PRKN: variants seen among roughly 807,000 people sequenced by gnomAD.
PRKN encodes the protein parkin RBR E3 ubiquitin protein ligase.
In PRKN, 56 loss-of-function variants were observed where a neutral mutation model predicts 59.5. The ratio of observed to expected loss-of-function variants is 0.94; its 90% CI spans 0.76 to 1.18. The LOEUF is 1.18. Among genes scored for constraint, PRKN ranks in the 50% most tolerant of loss-of-function variants. The probability of loss-of-function intolerance (pLI) is 0.00; values close to 1 mark genes in which losing one functional copy is unlikely to be tolerated. For missense variants in PRKN, 657 were observed against 596.4 expected (o/e 1.10, Z -1.06); for synonymous variants, 250 against 222.1 (o/e 1.13, Z -1.12).
intron 1 of PRKN, among the ~76,000 whole-genome samples, chr6:162,497,490 A>T (rs1262158119): frequency 6.6e-6 from 1 of 152,234 alleles, no homozygotes; most frequent in Non-Finnish European, 1.5e-5. Context: ...TTGGCTCTAC[A>T]ATTTTTACAA....
chr6:162,486,789 G>C (rs1792558859), intron 1 of PRKN, among the ~76,000 whole-genome samples: 1 of 152,102 alleles, frequency 6.6e-6, no homozygotes, highest in African/African-American at 2.4e-5. Flanking sequence ...GTAGATTTTG[G>C]CCAGGCGTGG....
rs13198162 is a variant in PRKN at position 161,864,781 on chromosome 6, T to A, written c.735-78873A>T. Among the ~76,000 whole-genome samples, 566 of 143,168 alleles carry A rather than the reference T, an allele frequency of 4.0e-3. 4 individuals carry two copies. Among genetic ancestry groups the A allele is most frequent in the Non-Finnish European group, 5.1e-3 (338 of 66,278 alleles). 93.9% of individuals were successfully genotyped at this position (143,168 alleles called of 152,430 possible). A position where few individuals can be genotyped will look rare whatever the true frequency, so the allele number is the denominator to read the frequency against. ...AAGTGATTCTCCTGCCCTAGCCTCC[T>A]GAGTAGCTGGGATTACAGTCGCCCA... On this transcript the variant is annotated intron_variant, in intron 6 of 11. Coordinates refer to ENST00000366898, the MANE Select transcript of PRKN (RefSeq NM_004562.3).
At chr6:161,404,415 A>G (rs1309820974) in intron 9 of PRKN, among the ~76,000 whole-genome samples, 1 of 152,190 alleles carries the variant, frequency 6.6e-6, no homozygotes, top group Non-Finnish European at 1.5e-5. Context: ...GTCTGTCCAA[A>G]TTCCACAGCC....
chr6:162,025,217 G>T (rs1478142623), intron 5 of PRKN, among the ~76,000 whole-genome samples: 7 of 151,754 alleles, frequency 4.6e-5, no homozygotes, highest in Non-Finnish European at 5.9e-5. Context: ...GGGTTTCACC[G>T]TGGTCTCGAT....
intron 6 of PRKN, among the ~76,000 whole-genome samples, chr6:161,857,967 C>CA (rs1460505519): frequency 3.8e-4 from 58 of 152,310 alleles, no homozygotes; most frequent in African/African-American, 1.2e-3. Flanking sequence ...CACGTTGGTG[C>CA]AAAGACACTC....
At chr6:161,772,306 C>T (rs1789728281) in intron 7 of PRKN, among the ~76,000 whole-genome samples, 1 of 152,168 alleles carries the variant, frequency 6.6e-6, no homozygotes, top group African/African-American at 2.4e-5. Context: ...TGCAAAAATC[C>T]ATAGCTCAGG....
chr6:162,434,913 T>C (rs1287245508), intron 2 of PRKN, among the ~76,000 whole-genome samples: 1 of 151,856 alleles, frequency 6.6e-6, no homozygotes, highest in Non-Finnish European at 1.5e-5. Context: ...AAAGTAAAGA[T>C]GGAATTTCAG....
At chr6:161,970,401 A>ATATG (rs1780756404) in intron 6 of PRKN, among the ~76,000 whole-genome samples, 1 of 79,484 alleles carries the variant, frequency 1.3e-5, no homozygotes, top group African/African-American at 6.1e-5. Context: ...ATACGAAACT[A>ATATG]TATATATATA....
At chr6:161,868,811 T>C (rs942176999) in intron 6 of PRKN, among the ~76,000 whole-genome samples, 2 of 152,172 alleles carry the variant, frequency 1.3e-5, no homozygotes, top group African/African-American at 2.4e-5. Flanking sequence ...TGGATGCACA[T>C]GGCCTACCTC....
intron 1 of PRKN, among the ~76,000 whole-genome samples, chr6:162,448,894 C>CT (rs1790453105): frequency 7.1e-6 from 1 of 141,372 alleles, no homozygotes. Flanking sequence ...TCTCTCCCTT[C>CT]CTCTCTCTCT....
At chr6:162,118,601 C>T (rs1780775978) in intron 4 of PRKN, among the ~76,000 whole-genome samples, 1 of 152,182 alleles carries the variant, frequency 6.6e-6, no homozygotes, top group Non-Finnish European at 1.5e-5. Flanking sequence ...GCCTGAAGTC[C>T]TAACCTTGAA....
At chr6:162,432,061 C>A (rs9365425) in intron 2 of PRKN, among the ~76,000 whole-genome samples, 60,193 of 151,862 alleles carry the variant, frequency 0.4, 13,335 homozygotes, top group African/African-American at 0.61. Context: ...TAAAAATTTC[C>A]AATTGTTTAT....
chr6:162,001,996 C>T (rs1321530239), intron 5 of PRKN, among the ~76,000 whole-genome samples: 1 of 151,782 alleles, frequency 6.6e-6, no homozygotes, highest in East Asian at 1.9e-4. Context: ...GTTGAACACC[C>T]TTGTAGATCT....
At chr6:161,571,041 C>G (rs1329009850) in intron 7 of PRKN, among the ~76,000 whole-genome samples, 1 of 152,170 alleles carries the variant, frequency 6.6e-6, no homozygotes. Context: ...AAGGTACCCT[C>G]TTGCTTCAGC....
At chr6:161,762,052 C>G (rs968948922) in intron 7 of PRKN, among the ~76,000 whole-genome samples, 3 of 152,080 alleles carry the variant, frequency 2.0e-5, no homozygotes, top group African/African-American at 7.2e-5. Flanking sequence ...ATAGACGGGA[C>G]AGAATTCCTA....
rs1781808232 is a variant in PRKN, at chr6:161,593,672, T to C, written c.872-24256A>G. Among the ~76,000 whole-genome samples, 1 of 152,168 alleles carries C rather than the reference T, an allele frequency of 6.6e-6. No individual in the cohort carries two copies. The highest frequency in any genetic ancestry group is 1.5e-5 in the Non-Finnish European group (1 of 68,032). On this transcript the variant is annotated intron_variant, in intron 7 of 11. Coordinates refer to ENST00000366898, the MANE Select transcript of PRKN (RefSeq NM_004562.3). The surrounding 1 kb of genome is among the most constrained non-coding windows in gnomAD (Gnocchi z 4.8). ...AGGAACCGGCTGGACAGTGGTGCCT[T>C]CTACTGAGAGTAGGAAGACTGGGGA... is the stretch of plus-strand genomic sequence containing the variant.
At chr6:162,200,211 C>T (rs1314751280) in intron 4 of PRKN, among the ~76,000 whole-genome samples, 4 of 152,164 alleles carry the variant, frequency 2.6e-5, no homozygotes, top group African/African-American at 9.6e-5. Flanking sequence ...TTCTCTCCAC[C>T]GCGGGGACTG....
chr6:161,615,603 A>G (rs1463259528), intron 7 of PRKN, among the ~76,000 whole-genome samples: 5 of 152,246 alleles, frequency 3.3e-5, no homozygotes, highest in African/African-American at 1.2e-4. Context: ...AGCCAGCCAA[A>G]GGCTGTGGCA....
chr6:161,829,903 A>G (rs932909956), intron 6 of PRKN, among the ~76,000 whole-genome samples: 1 of 151,802 alleles, frequency 6.6e-6, no homozygotes, highest in African/African-American at 2.4e-5. Context: ...GGAATATAAC[A>G]TATGTAGCAA....
Sources: allele counts gnomAD v4.1 joint callset (sites outside exome capture counted in the v4.1 genomes callset), GRCh38; gene constraint gnomAD v4.1.1; non-coding constraint Gnocchi (gnomAD v3.1); transcripts MANE v1.5; gene names NCBI Gene and HGNC (gene_info 2026-07-23, HGNC 2026-07-21).